NECAB1: variants seen among roughly 807,000 people sequenced by gnomAD.
NECAB1 encodes N-terminal EF-hand calcium binding protein 1.
NECAB1 carries 29 observed loss-of-function variants against 57.5 expected under a neutral mutation model. The ratio of observed to expected loss-of-function variants is 0.50; its 90% CI spans 0.38 to 0.69. The LOEUF (loss-of-function observed/expected upper bound fraction) is 0.69, where lower values mean the gene tolerates loss of function less well. Ranked by LOEUF, NECAB1 falls within the 30% of genes least tolerant of loss-of-function variation. The probability of loss-of-function intolerance (pLI) is 0.00; values close to 1 mark genes in which losing one functional copy is unlikely to be tolerated. For synonymous variants in NECAB1, 142 were observed against 147.7 expected (o/e 0.96, Z 0.28); for missense variants, 372 against 413.8 (o/e 0.90, Z 0.88).
At chr8:90,947,282 A>G (rs1025263816) in intron 10 of NECAB1, among the ~76,000 whole-genome samples, 3 of 113,324 alleles carry the variant, frequency 2.6e-5, no homozygotes, top group African/African-American at 5.0e-5. Flanking sequence ...CTTTCCTTTT[A>G]GCTATTGGGC....
At chr8:90,860,826 G>A (rs936713333) in intron 3 of NECAB1, among the ~76,000 whole-genome samples, 7 of 152,032 alleles carry the variant, frequency 4.6e-5, no homozygotes, top group African/African-American at 1.7e-4. Context: ...AAGGAAGGAA[G>A]ATCCAGAGTG....
intron 3 of NECAB1, among the ~76,000 whole-genome samples, chr8:90,857,141 G>C (rs182096497): frequency 1.3e-5 from 2 of 151,792 alleles, no homozygotes; most frequent in Non-Finnish European, 2.9e-5. Context: ...ATTTAAAAAG[G>C]CTTTAGAACA....
At chr8:90,912,245 A>G (rs1809847872) in intron 5 of NECAB1, among the ~76,000 whole-genome samples, 1 of 152,184 alleles carries the variant, frequency 6.6e-6, no homozygotes, top group Admixed American at 6.6e-5. Context: ...CCTTTAGGCA[A>G]AGACATCCAA....
At chr8:90,883,041 T>G (rs943744450) in intron 5 of NECAB1, among the ~76,000 whole-genome samples, 1 of 152,194 alleles carries the variant, frequency 6.6e-6, no homozygotes, top group African/African-American at 2.4e-5. Flanking sequence ...TTATATAATC[T>G]TCTTTATTTC....
At chr8:90,859,519 G>A (rs1812856789) in intron 3 of NECAB1, among the ~76,000 whole-genome samples, 1 of 152,170 alleles carries the variant, frequency 6.6e-6, no homozygotes, top group Admixed American at 6.6e-5. Flanking sequence ...CAAGAAGCAA[G>A]TGGTTGGTTA....
chr8:90,930,153 G>T (rs1162792407), intron 8 of NECAB1, among the ~76,000 whole-genome samples: 1 of 152,168 alleles, frequency 6.6e-6, no homozygotes, highest in African/African-American at 2.4e-5. Context: ...TCAGAAAATG[G>T]CATTGAAGAG....
chr8:90,856,039 A>C (rs1305605530), intron 3 of NECAB1, among the ~76,000 whole-genome samples: 1 of 152,140 alleles, frequency 6.6e-6, no homozygotes, highest in Non-Finnish European at 1.5e-5. Flanking sequence ...TAGGATGCAC[A>C]TTCTCCTGAC....
At chr8:90,809,298 A>G (rs1246236475) in intron 2 of NECAB1, among the ~76,000 whole-genome samples, 5 of 152,128 alleles carry the variant, frequency 3.3e-5, no homozygotes, top group Admixed American at 2.0e-4. Context: ...TAGTAATTCC[A>G]CATCCAATCT....
At chr8:90,808,698 T>A (rs978494471) in intron 2 of NECAB1, among the ~76,000 whole-genome samples, 4 of 138,420 alleles carry the variant, frequency 2.9e-5, no homozygotes, top group African/African-American at 1.1e-4. Context: ...CAGGCTGGAG[T>A]GCAGTGGCAC....
chr8:90,868,639 CA>C (rs1808562793), intron 3 of NECAB1, among the ~76,000 whole-genome samples: 1 of 152,186 alleles, frequency 6.6e-6, no homozygotes, highest in Non-Finnish European at 1.5e-5. Context: ...AGCAGCAAAG[CA>C]TTCAAGATGT....
intron 9 of NECAB1, among the ~76,000 whole-genome samples, chr8:90,939,437 T>C (rs189130105): frequency 2.0e-5 from 3 of 152,212 alleles, no homozygotes; most frequent in African/African-American, 4.8e-5. Flanking sequence ...GTCAAATTAG[T>C]CAAAGGGCAT....
chr8:90,892,459 A>G (rs140018602), intron 5 of NECAB1, among the ~76,000 whole-genome samples: 5 of 152,356 alleles, frequency 3.3e-5, no homozygotes, highest in African/African-American at 1.2e-4. Flanking sequence ...ATTTAAAATG[A>G]TGTTTTAACA....
Position 90,824,764 on chromosome 8 carries a change from G to A in NECAB1, c.172G>A (p.Gly58Ser). Residue 58 changes from glycine to serine, a missense_variant, in exon 3 of 13, where the codon GGT (glycine) becomes AGT (serine). Gly to Ser is a moderately conservative substitution (Grantham distance 56). Transcript: ENST00000417640. Reference protein sequence around the residue: ...FEEFKAYFADGVLSGEELHEL... With the variant: ...FEEFKAYFADSVLSGEELHEL... ...AGAATTCAAAGCATATTTTGCAGAT[G>A]GTGTTCTCAGTGGAGAAGAATTACA... 6.4e-7 allele frequency: 1 copy of A among 1,550,556 alleles called. No homozygotes were observed. The highest frequency in any genetic ancestry group is 1.4e-5 in the African/African-American group (1 of 73,230).
intron 2 of NECAB1, among the ~76,000 whole-genome samples, chr8:90,812,429 T>G (rs761890973): frequency 2.6e-5 from 4 of 152,190 alleles, no homozygotes; most frequent in Non-Finnish European, 5.9e-5. Context: ...GGAAATGACA[T>G]TAAACGGATT....
chr8:90,838,709 G>A (rs1699405422), intron 3 of NECAB1, among the ~76,000 whole-genome samples: 1 of 152,146 alleles, frequency 6.6e-6, no homozygotes, highest in African/African-American at 2.4e-5. Flanking sequence ...GCCTCTGTGG[G>A]GAATCAATTT....
At chr8:90,891,658 T>G (rs750175450) in intron 5 of NECAB1, among the ~76,000 whole-genome samples, 1 of 152,072 alleles carries the variant, frequency 6.6e-6, no homozygotes, top group Non-Finnish European at 1.5e-5. Flanking sequence ...GTTTAGGTTA[T>G]TAGTACTGAA....
intron 3 of NECAB1, among the ~76,000 whole-genome samples, chr8:90,847,747 C>T (rs1416553619): frequency 6.6e-6 from 1 of 152,246 alleles, no homozygotes; most frequent in Non-Finnish European, 1.5e-5. Flanking sequence ...GGCTTGCACC[C>T]TCAAAAGCCA....
chr8:90,829,560 C>T (rs1260061437), intron 3 of NECAB1, among the ~76,000 whole-genome samples: 1 of 152,018 alleles, frequency 6.6e-6, no homozygotes, highest in South Asian at 2.1e-4. Flanking sequence ...TACAGAAAAG[C>T]ATCCCAGGGC....
chr8:90,938,198 G>C (rs1810582661), intron 9 of NECAB1, among the ~76,000 whole-genome samples: 1 of 152,264 alleles, frequency 6.6e-6, no homozygotes, highest in South Asian at 2.1e-4. Flanking sequence ...AACTGAGACT[G>C]GCCTTTCATA....
Sources: allele counts gnomAD v4.1 joint callset (sites outside exome capture counted in the v4.1 genomes callset), GRCh38; gene constraint gnomAD v4.1.1; transcripts MANE v1.5; gene names NCBI Gene and HGNC (gene_info 2026-07-23, HGNC 2026-07-21).